Variants in CEMIP observed in about 807,000 individuals in gnomAD.
CEMIP encodes the protein cell migration-inducing and hyaluronan-binding protein.
CEMIP carries 105 observed loss-of-function variants against 156.9 expected under a neutral mutation model. That is an observed-to-expected ratio of 0.67 (90% confidence interval 0.57 to 0.79). The LOEUF (loss-of-function observed/expected upper bound fraction) is 0.79. Ranked by LOEUF, CEMIP falls within the 30% of genes least tolerant of loss-of-function variation. The pLI is 0.00. For missense variants in CEMIP, 1,457 were observed against 1,769.4 expected (o/e 0.82, Z 3.17); for synonymous variants, 676 against 668.4 (o/e 1.01, Z -0.17).
chr15:80,855,382 G>T (rs1897826234), intron 1 of CEMIP, among the ~76,000 whole-genome samples: 1 of 152,196 alleles, frequency 6.6e-6, no homozygotes, highest in Non-Finnish European at 1.5e-5. Context: ...ATGAGTGGTG[G>T]AACTGGGAAC....
chr15:80,899,488 G>A (rs542033381), intron 12 of CEMIP, among the ~76,000 whole-genome samples: 1 of 152,340 alleles, frequency 6.6e-6, no homozygotes, highest in East Asian at 1.9e-4. Context: ...GGGCATGTGA[G>A]TCTTCCCAGA....
chr15:80,875,011 A>G (rs1347933155), intron 3 of CEMIP, among the ~76,000 whole-genome samples: 1 of 146,508 alleles, frequency 6.8e-6, no homozygotes, highest in Non-Finnish European at 1.5e-5. Context: ...TAGGGGACAT[A>G]GCAAGTAGCA....
At chr15:80,798,368 T>A (rs1240926955) in intron 1 of CEMIP, among the ~76,000 whole-genome samples, 2 of 152,190 alleles carry the variant, frequency 1.3e-5, no homozygotes, top group Non-Finnish European at 2.9e-5. Flanking sequence ...ATTTTTACTA[T>A]TAACATTTAA....
intron 1 of CEMIP, among the ~76,000 whole-genome samples, chr15:80,826,293 C>G (rs1204928117): frequency 6.6e-6 from 1 of 152,210 alleles, no homozygotes; most frequent in Admixed American, 6.5e-5. Flanking sequence ...ATTCTGCATG[C>G]AGCTCTTTTC....
chr15:80,793,249 G>A (rs1468901888), intron 1 of CEMIP, among the ~76,000 whole-genome samples: 3 of 152,180 alleles, frequency 2.0e-5, no homozygotes, highest in African/African-American at 4.8e-5. Flanking sequence ...CATTCAGGAC[G>A]TCTTTCCCCC....
chr15:80,851,689 G>T (rs1170107075), intron 1 of CEMIP, among the ~76,000 whole-genome samples: 3 of 152,116 alleles, frequency 2.0e-5, no homozygotes, highest in Non-Finnish European at 4.4e-5. Context: ...ATGAGCTCAC[G>T]TTGGACACTG....
intron 1 of CEMIP, among the ~76,000 whole-genome samples, chr15:80,855,150 G>C (rs1475462782): frequency 6.6e-6 from 1 of 152,214 alleles, no homozygotes; most frequent in Non-Finnish European, 1.5e-5. Context: ...TCATGCCACT[G>C]CACTGAAGCT....
rs990238147 is a variant in CEMIP at position 80,926,299 on chromosome 15, A to T, written c.2420+544A>T. Among the ~76,000 whole-genome samples, 13 of 152,350 alleles carry T rather than the reference A, an allele frequency of 8.5e-5. No individual in the cohort carries two copies. In the South Asian group the frequency reaches 1.7e-3, roughly 19 times the overall value. On this transcript the variant is annotated intron_variant, in intron 19 of 29. Transcript: ENST00000394685. ...AAAAGGCAGGGAACGCTGAGCTCTC[A>T]TATGAGGTCCCTATGTGAGTGACTG...
At chr15:80,798,746 T>C (rs1218773620) in intron 1 of CEMIP, among the ~76,000 whole-genome samples, 2 of 152,188 alleles carry the variant, frequency 1.3e-5, no homozygotes, top group Non-Finnish European at 2.9e-5. Context: ...ATATTTGAAG[T>C]TTTCTCTCCC....
intron 12 of CEMIP, chr15:80,897,322 A>T (rs1555433791): frequency 4.4e-6 from 2 of 455,918 alleles, no homozygotes; most frequent in Non-Finnish European, 4.4e-6. Flanking sequence ...GCTGCCTGAG[A>T]TGTGCTTGTG....
chr15:80,921,466 G>A (rs1445660545), intron 16 of CEMIP, among the ~76,000 whole-genome samples: 1 of 152,156 alleles, frequency 6.6e-6, no homozygotes, highest in African/African-American at 2.4e-5. Context: ...CAGTGACGTA[G>A]GTATTATTAT....
At chr15:80,894,331 G>A (rs1010514309) in intron 10 of CEMIP, among the ~76,000 whole-genome samples, 3 of 152,202 alleles carry the variant, frequency 2.0e-5, no homozygotes, top group African/African-American at 7.2e-5. Flanking sequence ...GTGATCCTGG[G>A]TAAGTAACTG....
chr15:80,857,316 C>T (rs1327244023), intron 1 of CEMIP, among the ~76,000 whole-genome samples: 4 of 152,168 alleles, frequency 2.6e-5, no homozygotes, highest in Non-Finnish European at 4.4e-5. Context: ...AAATTGGCCT[C>T]TTGTGTGTCC....
intron 1 of CEMIP, among the ~76,000 whole-genome samples, chr15:80,840,045 G>A (rs574275209): frequency 7.9e-5 from 12 of 152,262 alleles, no homozygotes; most frequent in South Asian, 2.1e-4. Context: ...CCTCTAAGGG[G>A]CCCCCCAGGC....
At chr15:80,942,124 C>A (rs930639020) in intron 26 of CEMIP, 71 bp downstream of exon 26, 3 of 1,528,328 alleles carry the variant, frequency 2.0e-6, no homozygotes, top group South Asian at 1.1e-5. Flanking sequence ...GCCGTCCAGT[C>A]GGGCCCAGAC....
At chr15:80,919,192 C>G (rs1900381690) in intron 14 of CEMIP, among the ~76,000 whole-genome samples, 1 of 152,164 alleles carries the variant, frequency 6.6e-6, no homozygotes, top group African/African-American at 2.4e-5. Flanking sequence ...CTTGGGCTGA[C>G]AAGCTGGCTT....
chr15:80,886,994 T>C (rs1898865651), intron 7 of CEMIP, among the ~76,000 whole-genome samples: 1 of 152,220 alleles, frequency 6.6e-6, no homozygotes, highest in Admixed American at 6.5e-5. Flanking sequence ...ATATTCAATA[T>C]GCCAAGTTGC....
At position 80,840,572 on chromosome 15, in the gene CEMIP, G is replaced by A. The variant is rs951181700; in HGVS notation, c.-175-32966G>A. 2.0e-5 allele frequency among the ~76,000 whole-genome samples: 3 copies of A among 152,316 alleles called. No homozygotes were observed. The East Asian group carries it at 5.8e-4, about 29-fold the overall frequency. ...TGGCCTCTCCGGCTCAGTGGGCCTG[G>A]CTCCTACAGCATTCCCTGAAGAAGT... On this transcript the variant is annotated intron_variant, in intron 1 of 29. Transcript: ENST00000394685.
chr15:80,900,865 C>A (rs1044354983), intron 12 of CEMIP: 1 of 451,128 alleles, frequency 2.2e-6, no homozygotes, highest in Non-Finnish European at 4.4e-6. Flanking sequence ...TTCTCTTCCC[C>A]AGGCTGGCTG....
Sources: gnomAD v4.1 joint callset for allele counts (sites outside exome capture counted in the v4.1 genomes callset) on GRCh38, gnomAD v4.1.1 for gene constraint, MANE v1.5 for transcripts, NCBI Gene and HGNC (gene_info 2026-07-23, HGNC 2026-07-21) for gene names.